The following WSCD1 variants were observed in gnomAD, a reference collection of about 807,000 sequenced individuals.
WSCD1 encodes WSC domain sialate O sulfotransferase 1.
In WSCD1, 41 loss-of-function variants were observed where a neutral mutation model predicts 60.4. That is an observed-to-expected ratio of 0.68 (90% CI 0.53 to 0.88). WSCD1 has a LOEUF of 0.88. Ranked by LOEUF, WSCD1 falls within the 40% of genes least tolerant of loss-of-function variation. The pLI is 0.00. For synonymous variants in WSCD1, 361 were observed against 332.5 expected (o/e 1.09, Z -0.93); for missense variants, 784 against 796.2 (o/e 0.98, Z 0.18).
intron 7 of WSCD1, among the ~76,000 whole-genome samples, chr17:6,111,387 G>T (rs1483176116): frequency 6.6e-6 from 1 of 152,138 alleles, no homozygotes; most frequent in Admixed American, 6.5e-5. Flanking sequence ...AGATATCAAT[G>T]CAGTCACACA....
rs1454611405 is a variant in WSCD1 at position 6,070,547 on chromosome 17, C to T, written c.-394C>T. 3 of 148,300 alleles carry T rather than the reference C, an allele frequency of 2.0e-5. No individual in the cohort carries two copies. The highest frequency in any genetic ancestry group is 6.7e-5 in the Admixed American group (1 of 14,910). The allele number at this position is 148,300 out of a possible 1,614,324, so 9.2% of individuals were successfully genotyped here. ...GCGGGCGGCCGGAGACGTGCGGGCG[C>T]CGGGGCTTCTGGGCTCCGGGCACTG... On this transcript the variant is annotated 5_prime_UTR_variant, in exon 1 of 9. Coordinates refer to ENST00000317744, the MANE Select transcript of WSCD1 (RefSeq NM_015253.2).
At chr17:6,114,864 CCT>C (rs1269260954) in intron 7 of WSCD1, among the ~76,000 whole-genome samples, 1 of 151,748 alleles carries the variant, frequency 6.6e-6, no homozygotes, top group African/African-American at 2.4e-5. Context: ...CCAACAGGCC[CCT>C]GTGTGTGATA....
At chr17:6,117,569 CTG>C (rs1021591319) in intron 7 of WSCD1, among the ~76,000 whole-genome samples, 1 of 152,262 alleles carries the variant, frequency 6.6e-6, no homozygotes, top group Admixed American at 6.5e-5. Context: ...CATGCTCACT[CTG>C]TGCCTTAGTC....
intron 2 of WSCD1, chr17:6,082,050 A>G (rs1766052770): frequency 6.6e-6 from 1 of 152,262 alleles, no homozygotes; most frequent in Non-Finnish European, 1.5e-5. Flanking sequence ...ACTGGCAGCT[A>G]TTATGACTTA....
At chr17:6,071,820 G>A (rs1462037046) in intron 1 of WSCD1, among the ~76,000 whole-genome samples, 1 of 152,206 alleles carries the variant, frequency 6.6e-6, no homozygotes, top group Non-Finnish European at 1.5e-5. Context: ...GGCTATGGGA[G>A]AATGAGGTTT....
In WSCD1 at chr17:6,072,677, A is replaced by G. The variant is rs574326606; in HGVS notation, c.-289+2025A>G. Among the ~76,000 whole-genome samples, 13 of 152,290 alleles carry G rather than the reference A, an allele frequency of 8.5e-5. No individual in the cohort carries two copies. The South Asian group carries it at 2.7e-3, about 32-fold the overall frequency. The stretch of plus-strand genomic sequence containing the variant: ...GGGCCAGAGCTGGGCCCTAACATCC[A>G]GGGCTGCTCATCTGGGGAATGAGGG... On this transcript the variant is annotated intron_variant, in intron 1 of 8. Coordinates refer to ENST00000317744, the MANE Select transcript of WSCD1 (RefSeq NM_015253.2).
At position 6,079,049 on chromosome 17, in the gene WSCD1, C is replaced by T. The variant is rs116699833; in HGVS notation, c.-288-1322C>T. ...CGCCCCAGCCTAAAGGACCAGCCGA[C>T]CCAGATTTCCAGATCTCTGCTCTCC... On this transcript the variant is annotated intron_variant, in intron 1 of 8. Coordinates refer to ENST00000317744, the MANE Select transcript of WSCD1 (RefSeq NM_015253.2). Among the ~76,000 whole-genome samples the T allele has an allele frequency of 3.2e-3, 480 of 152,322 alleles. 2 individuals are homozygous for T. The highest frequency in any genetic ancestry group is 0.011 in the African/African-American group (466 of 41,564).
At chr17:6,074,636 G>A (rs1306230084) in intron 1 of WSCD1, among the ~76,000 whole-genome samples, 1 of 152,236 alleles carries the variant, frequency 6.6e-6, no homozygotes, top group Non-Finnish European at 1.5e-5. Context: ...AGATCAGGGA[G>A]GCTTCATGGA....
chr17:6,077,927 A>G (rs1908971072), intron 1 of WSCD1: 1 of 152,226 alleles, frequency 6.6e-6, no homozygotes, highest in African/African-American at 2.4e-5. Flanking sequence ...CACAGAAAGG[A>G]TGACATAAAG....
In WSCD1 at chr17:6,120,788, G is replaced by T; in HGVS notation, c.*127G>T. 1.1e-6 allele frequency: 1 copy of T among 926,270 alleles called. No individual in the cohort carries two copies. 57.4% of individuals were successfully genotyped at this position (926,270 alleles called of 1,614,324 possible). ...CGGTGGGTGGGGGGCTCACCCTGGT[G>T]CTGCCTCCCGCACAAGGAGACCTGG... On this transcript the variant is annotated 3_prime_UTR_variant, in exon 9 of 9. Coordinates refer to ENST00000317744, the MANE Select transcript of WSCD1 (RefSeq NM_015253.2).
At chr17:6,078,561 GGTGTGT>G (rs67928797) in intron 1 of WSCD1, among the ~76,000 whole-genome samples, 1 of 150,306 alleles carries the variant, frequency 6.7e-6, no homozygotes, top group East Asian at 1.9e-4. Context: ...GAATGTGGAG[GGTGTGT>G]GTGTGTGTGT....
At chr17:6,089,430 T>C (rs1909880686) in intron 3 of WSCD1, among the ~76,000 whole-genome samples, 1 of 152,194 alleles carries the variant, frequency 6.6e-6, no homozygotes, top group African/African-American at 2.4e-5. Context: ...TGAAGTCCTG[T>C]GTGATTCATT....
chr17:6,094,072 C>T (rs1006698063), intron 4 of WSCD1, among the ~76,000 whole-genome samples: 2 of 152,148 alleles, frequency 1.3e-5, no homozygotes, highest in Admixed American at 6.5e-5. Context: ...GATACTGAGC[C>T]CTGGGAGACC....
intron 1 of WSCD1, among the ~76,000 whole-genome samples, chr17:6,077,655 C>T (rs117924954): frequency 0.011 from 1,713 of 152,282 alleles, 9 homozygotes; most frequent in Middle Eastern, 0.027. Flanking sequence ...TCAGCTCTGA[C>T]CACTCCTCAC....
chr17:6,100,615 C>T (rs1311728747), intron 5 of WSCD1, among the ~76,000 whole-genome samples: 1 of 152,202 alleles, frequency 6.6e-6, no homozygotes, highest in Non-Finnish European at 1.5e-5. Context: ...AGCAGGGGTT[C>T]ACAGCCTTGG....
chr17:6,111,071 C>A, intron 7 of WSCD1, 136 bp downstream of exon 7: 1 of 839,168 alleles, frequency 1.2e-6, no homozygotes, highest in Non-Finnish European at 1.6e-6. Flanking sequence ...GTGGGTGGAG[C>A]CACTGTGTGC....
intron 5 of WSCD1, among the ~76,000 whole-genome samples, chr17:6,095,967 C>G (rs1399970713): frequency 6.6e-6 from 1 of 152,136 alleles, no homozygotes; most frequent in Admixed American, 6.5e-5. Flanking sequence ...GATTGCTGTA[C>G]CCTCAATGTG....
intron 4 of WSCD1, 31 bp downstream of exon 4, chr17:6,090,536 TC>T: frequency 6.2e-7 from 1 of 1,609,056 alleles, no homozygotes; most frequent in Non-Finnish European, 8.5e-7. Flanking sequence ...CTGAGCTTTG[TC>T]CGTCTGTCCC....
chr17:6,082,272 A>C (rs999450497), intron 2 of WSCD1, among the ~76,000 whole-genome samples: 3 of 152,190 alleles, frequency 2.0e-5, no homozygotes, highest in African/African-American at 7.2e-5. Context: ...ATGTGATCCC[A>C]GGGAACACTA....
Sources: allele counts gnomAD v4.1 joint callset (sites outside exome capture counted in the v4.1 genomes callset), GRCh38; gene constraint gnomAD v4.1.1; transcripts MANE v1.5; gene names NCBI Gene and HGNC (gene_info 2026-07-23, HGNC 2026-07-21).